NRXN3: variants seen among roughly 807,000 people sequenced by gnomAD.
NRXN3 encodes the protein neurexin III.
Under a neutral mutation model 137.6 loss-of-function variants are expected in NRXN3, and 32 were observed. That is an observed-to-expected ratio of 0.23 (90% CI 0.18 to 0.31). NRXN3 has a LOEUF of 0.31. Among genes scored for constraint, NRXN3 ranks in the 10% least tolerant of loss-of-function variants. The probability of loss-of-function intolerance (pLI) is 1.00; values close to 1 mark genes in which losing one functional copy is unlikely to be tolerated. For synonymous variants in NRXN3, 798 were observed against 784.5 expected (o/e 1.02, Z -0.29); for missense variants, 1,574 against 2,062.5 (o/e 0.76, Z 4.59).
chr14:78,298,890 C>G (rs951394536), intron 4 of NRXN3, among the ~76,000 whole-genome samples: 1 of 152,204 alleles, frequency 6.6e-6, no homozygotes, highest in African/African-American at 2.4e-5. Context: ...GACTTCCCCT[C>G]CCCTGCTCCC....
chr14:79,395,454 T>C (rs893727436), intron 15 of NRXN3, among the ~76,000 whole-genome samples: 8 of 152,102 alleles, frequency 5.3e-5, no homozygotes, highest in Non-Finnish European at 1.2e-4. Context: ...TCAAAAACTG[T>C]TTACAGCTAA....
chr14:79,530,555 GCTCT>G (rs1454383577), intron 16 of NRXN3, among the ~76,000 whole-genome samples: 1 of 149,080 alleles, frequency 6.7e-6, no homozygotes, highest in Non-Finnish European at 1.5e-5. Flanking sequence ...TGTTTTCTCT[GCTCT>G]CTCTGTTTGG....
At position 79,428,416 on chromosome 14, in the gene NRXN3, A is replaced by G. The variant is rs536992005; in HGVS notation, c.3263-38805A>G. On this transcript the variant is annotated intron_variant, in intron 15 of 20. Coordinates refer to ENST00000335750, the MANE Select transcript of NRXN3 (RefSeq NM_001330195.2). ...GTCTGCCTAGTACCTTCACTTGGTC[A>G]AATACCTCTTTTGGTGGAAACAACA... Among the ~76,000 whole-genome samples the G allele has an allele frequency of 1.1e-4, 17 of 152,252 alleles. No individual in the cohort carries two copies. The South Asian group carries it at 3.5e-3, about 32-fold the overall frequency.
intron 4 of NRXN3, among the ~76,000 whole-genome samples, chr14:78,351,729 T>C (rs866023151): frequency 3.3e-5 from 5 of 152,078 alleles, no homozygotes; most frequent in Admixed American, 3.3e-4. Context: ...TGGAAAGGAT[T>C]ATATAATATC....
At chr14:78,553,547 G>T (rs889519685) in intron 4 of NRXN3, among the ~76,000 whole-genome samples, 1 of 152,150 alleles carries the variant, frequency 6.6e-6, no homozygotes, top group African/African-American at 2.4e-5. Context: ...TGTAGAAAAG[G>T]CTTCTATCAG....
chr14:78,751,566 C>T (rs2098642514), intron 8 of NRXN3, among the ~76,000 whole-genome samples: 1 of 152,144 alleles, frequency 6.6e-6, no homozygotes, highest in Non-Finnish European at 1.5e-5. Context: ...CATTAAGCTC[C>T]TCAAAGTGGG....
At chr14:78,964,005 G>A (rs2099412940) in intron 11 of NRXN3, among the ~76,000 whole-genome samples, 1 of 152,026 alleles carries the variant, frequency 6.6e-6, no homozygotes, top group Admixed American at 6.6e-5. Flanking sequence ...CTAGCCTCAA[G>A]TAATCTTTCT....
intron 1 of NRXN3, among the ~76,000 whole-genome samples, chr14:78,192,708 G>A (rs916221512): frequency 1.3e-5 from 2 of 152,154 alleles, no homozygotes; most frequent in Admixed American, 1.3e-4. Flanking sequence ...GCTTGGCACC[G>A]AAATTCCTCT....
chr14:78,502,788 C>A (rs1007743265), intron 4 of NRXN3, among the ~76,000 whole-genome samples: 7 of 152,130 alleles, frequency 4.6e-5, no homozygotes, highest in Admixed American at 2.6e-4. Flanking sequence ...TTGGAAATTT[C>A]AAAGTGCTCA....
chr14:78,840,788 A>G (rs1218655707), intron 10 of NRXN3, among the ~76,000 whole-genome samples: 2 of 152,208 alleles, frequency 1.3e-5, no homozygotes, highest in African/African-American at 4.8e-5. Flanking sequence ...CTCGAAGAGA[A>G]TTAGTAAAAC....
intron 15 of NRXN3, among the ~76,000 whole-genome samples, chr14:79,073,014 G>A (rs946729363): frequency 2.6e-5 from 4 of 151,786 alleles, no homozygotes; most frequent in African/African-American, 9.7e-5. Context: ...AGCTTCCTGA[G>A]TAGCTGGAAT....
In NRXN3 at chr14:79,638,335, AGTTCTTTT is replaced by A. The variant is rs529560125; in HGVS notation, c.3445-25442_3445-25435del. 8.9e-3 allele frequency among the ~76,000 whole-genome samples: 1,360 copies of A among 152,278 alleles called. 18 individuals carry two copies. Among genetic ancestry groups the A allele is most frequent in the African/African-American group, 0.031 (1,300 of 41,534 alleles). ...TTTATGAAATCTAGGTTTAAGTTTG[AGTTCTTTT>A]TCTACTTATGTGATCTTATTCGAGT... is the stretch of plus-strand genomic sequence containing the variant. On this transcript the variant is annotated intron_variant, in intron 16 of 20. Transcript: ENST00000335750.
At chr14:78,331,389 A>C (rs1336967323) in intron 4 of NRXN3, among the ~76,000 whole-genome samples, 1 of 152,212 alleles carries the variant, frequency 6.6e-6, no homozygotes, top group Non-Finnish European at 1.5e-5. Flanking sequence ...ATCAGCATTT[A>C]AAACATGAAA....
chr14:79,812,225 A>G (rs1344258179), intron 20 of NRXN3, among the ~76,000 whole-genome samples: 1 of 152,224 alleles, frequency 6.6e-6, no homozygotes, highest in African/African-American at 2.4e-5. Flanking sequence ...GTATGAGTGT[A>G]TATACTTCTA....
chr14:78,475,414 C>T (rs138987292), intron 4 of NRXN3, among the ~76,000 whole-genome samples: 36 of 152,236 alleles, frequency 2.4e-4, no homozygotes, highest in African/African-American at 8.4e-4. Context: ...TCATGGTACC[C>T]AGAGCATGTT....
intron 16 of NRXN3, among the ~76,000 whole-genome samples, chr14:79,626,704 C>A (rs939090455): frequency 1.3e-5 from 2 of 152,166 alleles, no homozygotes; most frequent in African/African-American, 4.8e-5. Context: ...TGTCTTACCA[C>A]CTCTTTGTGA....
intron 17 of NRXN3, among the ~76,000 whole-genome samples, chr14:79,669,732 G>A (rs976477379): frequency 6.6e-6 from 1 of 152,048 alleles, no homozygotes; most frequent in African/African-American, 2.4e-5. Context: ...CCATGGATCA[G>A]CAGCATCAGC....
chr14:78,345,753 C>T (rs961473598), intron 4 of NRXN3, among the ~76,000 whole-genome samples: 1 of 152,160 alleles, frequency 6.6e-6, no homozygotes, highest in Non-Finnish European at 1.5e-5. Flanking sequence ...TCTGAGATTT[C>T]CTCTCTTCTT....
intron 15 of NRXN3, among the ~76,000 whole-genome samples, chr14:79,038,356 G>T (rs1196358342): frequency 2.0e-5 from 3 of 152,086 alleles, no homozygotes; most frequent in Non-Finnish European, 4.4e-5. Context: ...TAGTGGAGAA[G>T]AAATTTTTAT....
Sources: gnomAD v4.1 joint callset for allele counts (sites outside exome capture counted in the v4.1 genomes callset) on GRCh38, gnomAD v4.1.1 for gene constraint, MANE v1.5 for transcripts, NCBI Gene and HGNC (gene_info 2026-07-23, HGNC 2026-07-21) for gene names.